The following TNFSF13 variants were observed in gnomAD, a reference collection of about 807,000 sequenced individuals.
The protein encoded by TNFSF13 is tumor necrosis factor ligand superfamily member 13.
A neutral mutation model predicts 30.7 loss-of-function variants in TNFSF13; 18 were observed. The observed-to-expected ratio is 0.59, with a 90% CI of 0.41 to 0.87. The LOEUF (loss-of-function observed/expected upper bound fraction) is 0.87, where lower values mean the gene tolerates loss of function less well. TNFSF13 is among the 40% of genes least tolerant of loss of function. TNFSF13 has a pLI of 0.00. For missense variants in TNFSF13, 286 were observed against 308.8 expected, an observed-to-expected ratio of 0.93 and a Z score of 0.55; for synonymous variants, 116 against 123.2, an observed-to-expected ratio of 0.94 and a Z score of 0.39.
Position 7,560,808 on chromosome 17 carries a change from C to T in TNFSF13, c.728C>T (p.Thr243Ile). ...AAACTTAACCTCTCTCCACATGGAA[C>T]CTTCCTGGGGTTTGTGAAACTGTGA... ...RAKLNLSPHG[T>I]FLGFVKL is the part of the protein sequence containing the mutation. Residue 243 changes from threonine to isoleucine, a missense_variant, in exon 6 of 6, where the codon ACC becomes ATC. By Grantham distance (89) the Thr-to-Ile change is moderately conservative. Transcript: ENST00000338784. 6.2e-7 allele frequency: 1 copy of T among 1,614,100 alleles called. No individual in the cohort carries two copies. Among genetic ancestry groups the T allele is most frequent in the African/African-American group, 1.3e-5 (1 of 75,030 alleles).
Position 7,559,222 on chromosome 17 carries a change from G to A in TNFSF13, c.183G>A (p.Glu61=). 6.2e-7 allele frequency: 1 copy of A among 1,611,436 alleles called. No homozygotes were observed. Among genetic ancestry groups the A allele is most frequent in the Non-Finnish European group, 8.5e-7 (1 of 1,179,570 alleles). The change falls in exon 1 of 6, where the codon GAG becomes GAA. Residue 61 remains glutamate, a synonymous_variant. Transcript: ENST00000338784. This position sits in a 1 kb window ranked among gnomAD's most constrained non-coding sequence, Gnocchi z 5.4. The part of the protein sequence containing the change: ...QQTELQSLRR[E]VSRLQGTGGP... ...CAGAGCTGCAGAGCCTCAGGAGAGA[G>A]GTGAGCCGGCTGCAGGGGACAGGAG...
chr17:7,558,437 C>A (rs1428070376), upstream of TNFSF13: 1 of 152,296 alleles, frequency 6.6e-6, no homozygotes, highest in African/African-American at 2.4e-5. This position sits in a 1 kb window ranked among gnomAD's most constrained non-coding sequence, Gnocchi z 4.3. Flanking sequence ...GGGAGTAGTG[C>A]AGGCCTTATT....
rs370869132 is a variant in TNFSF13 at position 7,559,725 on chromosome 17, G to A, written c.337+23G>A. ...AGAGTGAGGCTTCCAGGGTGCAGCAGGGGTGGGAGGTGATCAAGCAGCGTG... is the reference window on the plus strand; with the variant it reads ...AGAGTGAGGCTTCCAGGGTGCAGCAAGGGTGGGAGGTGATCAAGCAGCGTG... On this transcript the variant is annotated intron_variant, in intron 2 of 5. Coordinates refer to ENST00000338784, the MANE Select transcript of TNFSF13 (RefSeq NM_003808.4). The surrounding 1 kb of genome is among the most constrained non-coding windows in gnomAD (Gnocchi z 5.4). The A allele has an allele frequency of 2.4e-4, 395 of 1,613,940 alleles. 2 individuals carry two copies. Among genetic ancestry groups the A allele is most frequent in the South Asian group, 2.0e-3 (179 of 91,064 alleles).
rs1022106135 is a variant in TNFSF13, at chr17:7,559,230, G to A, written c.191G>A (p.Arg64Gln). Residue 64 changes from arginine to glutamine, a missense_variant, in exon 1 of 6, where the codon CGG (arginine) becomes CAG (glutamine). Physicochemically the swap from Arg to Gln is conservative, Grantham distance 43. Transcript: ENST00000338784. The surrounding 1 kb of genome is among the most constrained non-coding windows in gnomAD (Gnocchi z 5.4). The stretch of plus-strand genomic sequence containing the variant: ...CAGAGCCTCAGGAGAGAGGTGAGCC[G>A]GCTGCAGGGGACAGGAGGCCCCTCC... ...ELQSLRREVS[R>Q]LQGTGGPSQN... 12 of 1,610,560 alleles carry A rather than the reference G, an allele frequency of 7.5e-6. No individual in the cohort carries two copies. Among genetic ancestry groups the A allele is most frequent in the East Asian group, 4.5e-5 (2 of 44,816 alleles).
intron 4 of TNFSF13, 55 bp downstream of exon 4, chr17:7,560,222 G>A (rs1315207201): frequency 1.2e-6 from 2 of 1,612,658 alleles, no homozygotes; most frequent in African/African-American, 1.3e-5. Flanking sequence ...CCCCTACTGA[G>A]GGTTCCTGAC....
chr17:7,561,084 G>T lies in TNFSF13; in HGVS notation c.*251G>T. The T allele has an allele frequency of 6.3e-7, 1 of 1,590,814 alleles. No homozygotes were observed. The highest frequency in any genetic ancestry group is 8.6e-7 in the Non-Finnish European group (1 of 1,167,320). Reference sequence around the variant, plus strand: ...TGTAGATGAGGGGCGGGGGACGGGCGCCAGGCATTGTCCAGACCTGGTCGG... The same window carrying T: ...TGTAGATGAGGGGCGGGGGACGGGCTCCAGGCATTGTCCAGACCTGGTCGG... On this transcript the variant is annotated 3_prime_UTR_variant, in exon 6 of 6. Coordinates refer to ENST00000338784, the MANE Select transcript of TNFSF13 (RefSeq NM_003808.4). This position sits in a 1 kb window ranked among gnomAD's most constrained non-coding sequence, Gnocchi z 4.4.
In TNFSF13 at chr17:7,560,448, C is replaced by T. The variant is rs61760045; in HGVS notation, c.603C>T (p.Pro201=). Residue 201 remains proline, a synonymous_variant, in exon 5 of 6, where the codon CCC becomes CCT. Transcript: ENST00000338784. ...TATTCCGATGTATAAGAAGTATGCCCTCCCACCCGGACCGGGCCTACAACA... is the reference window on the plus strand; with the variant it reads ...TATTCCGATGTATAAGAAGTATGCCTTCCCACCCGGACCGGGCCTACAACA... ...ETLFRCIRSM[P]SHPDRAYNSC... is the part of the protein sequence containing the mutation. 107 of 1,614,184 alleles carry T rather than the reference C, an allele frequency of 6.6e-5. No individual in the cohort carries two copies. In the East Asian group the frequency reaches 2.3e-3, roughly 35 times the overall value.
Position 7,559,579 on chromosome 17 carries a change from G to T in TNFSF13, c.259-45G>T. The T allele has an allele frequency of 6.2e-7, 1 of 1,600,448 alleles. No homozygotes were observed. The highest frequency in any genetic ancestry group is 1.1e-5 in the South Asian group (1 of 89,410). ...AGGGCTGGGAAGGCAGGCTGGCTGG[G>T]ACCCTCGCATCTTAACCTAACCTTG... On this transcript the variant is annotated intron_variant, in intron 1 of 5. Coordinates refer to ENST00000338784, the MANE Select transcript of TNFSF13 (RefSeq NM_003808.4). This position sits in a 1 kb window ranked among gnomAD's most constrained non-coding sequence, Gnocchi z 5.4.
Position 7,560,097 on chromosome 17 carries a change from G to C in TNFSF13, c.434G>C (p.Gly145Ala). The stretch of plus-strand genomic sequence containing the variant: ...ATGTGGCAACCAGCTCTTAGGCGTG[G>C]GAGAGGCCTACAGGCCCAAGGATAT... The part of the protein sequence containing the change: ...EVMWQPALRR[G>A]RGLQAQGYGV... Residue 145 changes from glycine to alanine, a missense_variant, in exon 4 of 6, where the codon GGG becomes GCG. Gly to Ala is a moderately conservative substitution (Grantham distance 60, BLOSUM62 0). Transcript: ENST00000338784. The C allele has an allele frequency of 6.2e-7, 1 of 1,614,108 alleles. No homozygotes were observed. Among genetic ancestry groups the C allele is most frequent in the Non-Finnish European group, 8.5e-7 (1 of 1,180,010 alleles).
Position 7,560,748 on chromosome 17 carries a change from A to T in TNFSF13, c.668A>T (p.Asp223Val). 2 of 1,614,082 alleles carry T rather than the reference A, an allele frequency of 1.2e-6. No individual in the cohort carries two copies. Among genetic ancestry groups the T allele is most frequent in the Non-Finnish European group, 1.7e-6 (2 of 1,180,014 alleles). Reference sequence around the variant, plus strand: ...GGTGTCTTCCATTTACACCAAGGGGATATTCTGAGTGTCATAATTCCCCGG... The same window carrying T: ...GGTGTCTTCCATTTACACCAAGGGGTTATTCTGAGTGTCATAATTCCCCGG... ...SAGVFHLHQG[D>V]ILSVIIPRAR... The change falls in exon 6 of 6, where the codon GAT (aspartate) becomes GTT (valine). Residue 223 changes from aspartate to valine, a missense_variant. Asp to Val is a radical substitution (Grantham distance 152). Transcript: ENST00000338784.
Position 7,558,840 on chromosome 17 carries a change from C to G in TNFSF13, c.-200C>G. On this transcript the variant is annotated 5_prime_UTR_variant, in exon 1 of 6. Transcript: ENST00000338784. The surrounding 1 kb of genome is among the most constrained non-coding windows in gnomAD (Gnocchi z 4.3). ...GGAGGGTCTCAAGGCAACGCTGGCC[C>G]CACGACGGAGTGCCAGGAGCACTAA... 1.9e-6 allele frequency: 1 copy of G among 532,426 alleles called. No homozygotes were observed. The highest frequency in any genetic ancestry group is 3.0e-6 in the Non-Finnish European group (1 of 333,958). 33.0% of individuals were successfully genotyped at this position (532,426 alleles called of 1,614,324 possible).
At chr17:7,558,435 T>C (rs1337943730), upstream of TNFSF13, 1 of 152,302 alleles carries the variant, frequency 6.6e-6, no homozygotes, top group Non-Finnish European at 1.5e-5. This position sits in a 1 kb window ranked among gnomAD's most constrained non-coding sequence, Gnocchi z 4.3. Flanking sequence ...CAGGGAGTAG[T>C]GCAGGCCTTA....
rs2071191965 is a variant in TNFSF13 at position 7,560,969 on chromosome 17, C to T, written c.*136C>T. The T allele has an allele frequency of 6.2e-7, 1 of 1,614,214 alleles. No homozygotes were observed. Among genetic ancestry groups the T allele is most frequent in the African/African-American group, 1.3e-5 (1 of 75,046 alleles). On this transcript the variant is annotated 3_prime_UTR_variant, in exon 6 of 6. Coordinates refer to ENST00000338784, the MANE Select transcript of TNFSF13 (RefSeq NM_003808.4). ...TTCCTGGGTTTGGCTCCCCGTTCCT[C>T]ACTTTTCCCTTTTCATTCCCACCCC...
Position 7,559,975 on chromosome 17 carries a change from A to T in TNFSF13, c.386-74A>T, listed in dbSNP as rs1341311849. On this transcript the variant is annotated intron_variant, in intron 3 of 5. Transcript: ENST00000338784. The surrounding 1 kb of genome is among the most constrained non-coding windows in gnomAD (Gnocchi z 5.4). ...TGGCACTTGGGCTCAAGGGGTCCTT[A>T]TAGGTGAAAGGGAAAGAACCAAAAA... is the stretch of plus-strand genomic sequence containing the variant. The T allele has an allele frequency of 1.1e-5, 18 of 1,613,830 alleles. No homozygotes were observed. The highest frequency in any genetic ancestry group is 1.5e-5 in the Non-Finnish European group (18 of 1,179,964).
In TNFSF13 at chr17:7,559,411, C is replaced by T. The variant is rs753385151; in HGVS notation, c.258+114C>T. On this transcript the variant is annotated intron_variant, in intron 1 of 5. Transcript: ENST00000338784. The surrounding 1 kb of genome is among the most constrained non-coding windows in gnomAD (Gnocchi z 5.4). ...AAGAGAGGGTCTCCGGTTTGGAAGT[C>T]AGGGGCGCGGCCATTCCAGGAAAGG... The T allele has an allele frequency of 3.5e-6, 5 of 1,443,644 alleles. No homozygotes were observed. The highest frequency in any genetic ancestry group is 3.7e-6 in the Non-Finnish European group (4 of 1,090,626). The allele number at this position is 1,443,644 out of a possible 1,614,324, so 89.4% of individuals were successfully genotyped here.
Position 7,560,995 on chromosome 17 carries a change from C to G in TNFSF13, c.*162C>G. ...ACTTTTCCCTTTTCATTCCCACCCCCTAGACTTTGATTTTACGGATATCTT... is the reference window on the plus strand; with the variant it reads ...ACTTTTCCCTTTTCATTCCCACCCCGTAGACTTTGATTTTACGGATATCTT... On this transcript the variant is annotated 3_prime_UTR_variant, in exon 6 of 6. Coordinates refer to ENST00000338784, the MANE Select transcript of TNFSF13 (RefSeq NM_003808.4). 1 of 1,614,146 alleles carries G rather than the reference C, an allele frequency of 6.2e-7. No homozygotes were observed.
rs752726420 is a variant in TNFSF13, at chr17:7,560,175, C to T, written c.504+8C>T. The T allele has an allele frequency of 1.2e-6, 2 of 1,613,998 alleles. No individual in the cohort carries two copies. Among genetic ancestry groups the T allele is most frequent in the Non-Finnish European group, 8.5e-7 (1 of 1,179,978 alleles). On this transcript the variant is annotated splice_region_variant and intron_variant, in intron 4 of 5. Transcript: ENST00000338784. ...TATCTGCTGTATAGCCAGGTAACCCCAGCCACACTCTGAGCTTCACAGAGG... is the reference window on the plus strand; with the variant it reads ...TATCTGCTGTATAGCCAGGTAACCCTAGCCACACTCTGAGCTTCACAGAGG...
In TNFSF13 at chr17:7,559,971, CCTT is replaced by C. The variant is rs2071153810; in HGVS notation, c.386-77_386-75del. ...GGGCTGGCACTTGGGCTCAAGGGGT[CCTT>C]ATAGGTGAAAGGGAAAGAACCAAAA... is the stretch of plus-strand genomic sequence containing the variant. On this transcript the variant is annotated intron_variant, in intron 3 of 5. Coordinates refer to ENST00000338784, the MANE Select transcript of TNFSF13 (RefSeq NM_003808.4). This position sits in a 1 kb window ranked among gnomAD's most constrained non-coding sequence, Gnocchi z 5.4. The C allele has an allele frequency of 9.3e-6, 15 of 1,613,712 alleles. No individual in the cohort carries two copies. The highest frequency in any genetic ancestry group is 6.7e-5 in the Admixed American group (4 of 59,984).
Position 7,561,342 on chromosome 17 carries a change from C to G in TNFSF13, c.*509C>G. 1 of 359,802 alleles carries G rather than the reference C, an allele frequency of 2.8e-6. No individual in the cohort carries two copies. The highest frequency in any genetic ancestry group is 5.2e-6 in the Non-Finnish European group (1 of 193,940). 22.3% of individuals were successfully genotyped at this position (359,802 alleles called of 1,614,324 possible). Reference sequence around the variant, plus strand: ...TCCATCACTATCTCCAGAGATGTAGCTATTATGCGCCCGTCTACAGGGGGT... The same window carrying G: ...TCCATCACTATCTCCAGAGATGTAGGTATTATGCGCCCGTCTACAGGGGGT... On this transcript the variant is annotated 3_prime_UTR_variant, in exon 6 of 6. Coordinates refer to ENST00000338784, the MANE Select transcript of TNFSF13 (RefSeq NM_003808.4). This position sits in a 1 kb window ranked among gnomAD's most constrained non-coding sequence, Gnocchi z 4.4.
Sources: allele counts gnomAD v4.1 joint callset, GRCh38; gene constraint gnomAD v4.1.1; non-coding constraint Gnocchi (gnomAD v3.1); transcripts MANE v1.5; gene names NCBI Gene and HGNC (gene_info 2026-07-23, HGNC 2026-07-21).